Variants in DAB1 observed in about 807,000 individuals in gnomAD.
DAB1 encodes disabled homolog 1.
A neutral mutation model predicts 64.6 loss-of-function variants in DAB1; 15 were observed. The ratio of observed to expected loss-of-function variants is 0.23; its 90% CI spans 0.16 to 0.36. The LOEUF is 0.36. DAB1 is among the 10% of genes least tolerant of loss of function. DAB1 has a pLI of 1.00. For synonymous variants in DAB1, 235 were observed against 251.9 expected, an observed-to-expected ratio of 0.93 and a Z score of 0.64; for missense variants, 596 against 706.7, an observed-to-expected ratio of 0.84 and a Z score of 1.78.
chr1:57,591,009 C>G (rs1645439970), intron 7 of DAB1, among the ~76,000 whole-genome samples: 2 of 152,098 alleles, frequency 1.3e-5, no homozygotes, highest in Non-Finnish European at 2.9e-5. Flanking sequence ...TTAAATTTAA[C>G]TTCTGATACA....
At chr1:58,218,359 C>T (rs1250722367) in intron 4 of DAB1, among the ~76,000 whole-genome samples, 2 of 152,132 alleles carry the variant, frequency 1.3e-5, no homozygotes, top group East Asian at 3.9e-4. Context: ...TCTAGAACCC[C>T]TAGGGTCAGG....
intron 2 of DAB1, among the ~76,000 whole-genome samples, chr1:57,282,939 T>C (rs375099285): frequency 6.6e-6 from 1 of 152,142 alleles, no homozygotes; most frequent in South Asian, 2.1e-4. Context: ...CAGAAGAGTA[T>C]AGCCCCTATA....
intron 2 of DAB1, among the ~76,000 whole-genome samples, chr1:58,518,657 T>G (rs1008704613): frequency 4.6e-5 from 7 of 150,858 alleles, no homozygotes; most frequent in African/African-American, 7.3e-5. Flanking sequence ...GACTCCAGGG[T>G]TTTTTTTCCA....
intron 5 of DAB1, among the ~76,000 whole-genome samples, chr1:58,140,016 C>A (rs1654185412): frequency 6.6e-6 from 1 of 152,138 alleles, no homozygotes; most frequent in South Asian, 2.1e-4. Flanking sequence ...AACAGAGACT[C>A]CTGCAATGGC....
chr1:57,328,084 C>T (rs1460118621), intron 1 of DAB1, among the ~76,000 whole-genome samples: 1 of 152,100 alleles, frequency 6.6e-6, no homozygotes, highest in African/African-American at 2.4e-5. Context: ...TGTTTGCTAC[C>T]CATGATGGCT....
chr1:58,065,547 G>C (rs1648804022), intron 5 of DAB1, among the ~76,000 whole-genome samples: 1 of 152,176 alleles, frequency 6.6e-6, no homozygotes, highest in Non-Finnish European at 1.5e-5. Flanking sequence ...ACTCTGATTT[G>C]TACTGAAAAG....
chr1:57,506,236 C>T lies in DAB1; in HGVS notation n.625+143356G>A, dbSNP rs796909461. On this transcript the variant is annotated intron_variant and non_coding_transcript_variant, in intron 7 of 20. Transcript: ENST00000485760. Reference sequence around the variant, plus strand: ...AAAGGGGAACTTTTTTTTTAAACATCAATATGGAGCTTTATTTATAGTCTC... The same window carrying T: ...AAAGGGGAACTTTTTTTTTAAACATTAATATGGAGCTTTATTTATAGTCTC... 3.0e-4 allele frequency among the ~76,000 whole-genome samples: 46 copies of T among 152,136 alleles called. 1 individual carries two copies. The highest frequency in any genetic ancestry group is 1.1e-3 in the African/African-American group (44 of 41,540).
chr1:57,828,431 CAGT>C (rs1326135404), intron 1 of DAB1, among the ~76,000 whole-genome samples: 5 of 152,282 alleles, frequency 3.3e-5, no homozygotes, highest in Admixed American at 2.6e-4. Flanking sequence ...CCTCCTGCTG[CAGT>C]AATCTTGGGG....
chr1:57,541,929 C>T (rs2101451814), intron 7 of DAB1, among the ~76,000 whole-genome samples: 1 of 151,172 alleles, frequency 6.6e-6, no homozygotes, highest in South Asian at 2.1e-4. Context: ...TTTTAAACCG[C>T]AGGGGGCTGT....
rs140417446 is a variant in DAB1 at position 58,332,375 on chromosome 1, C to T, written n.309+10977G>A. On this transcript the variant is annotated intron_variant and non_coding_transcript_variant, in intron 4 of 20. Transcript: ENST00000485760. ...AGGTTTCCTTCTTCAGGCAGCGTTT[C>T]GCCAAAGCTTTTCTCCATACAGGAA... Among the ~76,000 whole-genome samples the T allele has an allele frequency of 2.5e-3, 387 of 152,150 alleles. 1 individual carries two copies. Among genetic ancestry groups the T allele is most frequent in the Non-Finnish European group, 4.3e-3 (290 of 68,004 alleles).
At chr1:57,645,733 C>T (rs564514744) in intron 7 of DAB1, among the ~76,000 whole-genome samples, 2 of 152,258 alleles carry the variant, frequency 1.3e-5, no homozygotes, top group South Asian at 2.1e-4. Context: ...GATTGATTTG[C>T]TCAATGTCAG....
In DAB1 at chr1:56,996,856, C is replaced by A. The variant is rs1645642052; in HGVS notation, c.*1288G>T. The A allele has an allele frequency of 6.6e-6, 1 of 152,092 alleles. No individual in the cohort carries two copies. The highest frequency in any genetic ancestry group is 2.4e-5 in the African/African-American group (1 of 41,422). 9.4% of individuals were successfully genotyped at this position (152,092 alleles called of 1,614,324 possible). A position where few individuals can be genotyped will look rare whatever the true frequency, so the allele number is the denominator to read the frequency against. On this transcript the variant is annotated 3_prime_UTR_variant, in exon 15 of 15. Coordinates refer to ENST00000371236, the MANE Select transcript of DAB1 (RefSeq NM_001365792.1). ...ACAGTGTAATGGCATTATTAAAAAT[C>A]ATTTTCATTAACATTTATATTTACA...
At chr1:58,414,570 A>G (rs1644699860) in intron 3 of DAB1, among the ~76,000 whole-genome samples, 1 of 152,232 alleles carries the variant, frequency 6.6e-6, no homozygotes, top group Non-Finnish European at 1.5e-5. Flanking sequence ...GAATGAATCA[A>G]TGGGAAACAT....
In DAB1 at chr1:57,781,148, A is replaced by G. The variant is rs867657849; in HGVS notation, n.551+102851T>C. Among the ~76,000 whole-genome samples, 100 of 98,850 alleles carry G rather than the reference A, an allele frequency of 1.0e-3. 4 individuals are homozygous for G. The South Asian group carries it at 0.031, about 31-fold the overall frequency. 64.8% of individuals were successfully genotyped at this position (98,850 alleles called of 152,430 possible). A position where few individuals can be genotyped will look rare whatever the true frequency, so the allele number is the denominator to read the frequency against. On this transcript the variant is annotated intron_variant and non_coding_transcript_variant, in intron 6 of 20. Transcript: ENST00000485760. Reference sequence around the variant, plus strand: ...TCTCTATATATATATATATATATATATATATATATATATATATATATATAG... The same window carrying G: ...TCTCTATATATATATATATATATATGTATATATATATATATATATATATAG...
intron 6 of DAB1, among the ~76,000 whole-genome samples, chr1:57,725,164 C>T (rs1438331503): frequency 1.3e-5 from 2 of 152,126 alleles, no homozygotes; most frequent in Non-Finnish European, 2.9e-5. Context: ...CTTGGGAAAG[C>T]GATAACAATA....
At chr1:58,380,151 G>A (rs1177196690) in intron 3 of DAB1, among the ~76,000 whole-genome samples, 1 of 152,194 alleles carries the variant, frequency 6.6e-6, no homozygotes, top group South Asian at 2.1e-4. Context: ...TTGGCTCTGT[G>A]TCCTCACCCA....
At chr1:57,092,315 T>A (rs1653759898) in intron 4 of DAB1, among the ~76,000 whole-genome samples, 1 of 152,100 alleles carries the variant, frequency 6.6e-6, no homozygotes, top group African/African-American at 2.4e-5. Flanking sequence ...TTTGGCTGTG[T>A]CCCCATCCAA....
At position 57,218,333 on chromosome 1, in the gene DAB1, A is replaced by C. The variant is rs1666579870; in HGVS notation, c.67+72631T>G. On this transcript the variant is annotated intron_variant, in intron 2 of 14. Coordinates refer to ENST00000371236, the MANE Select transcript of DAB1 (RefSeq NM_001365792.1). ...AGGCCCAGTTCAAACAACATCTCTT[A>C]TAAATAATCTTTGTTTAACATCCTG... Among the ~76,000 whole-genome samples, 5 of 152,166 alleles carry C rather than the reference A, an allele frequency of 3.3e-5. No homozygotes were observed. In the South Asian group the frequency reaches 1.0e-3, roughly 32 times the overall value.
chr1:57,802,543 G>T (rs1294573510), intron 6 of DAB1, among the ~76,000 whole-genome samples: 3 of 152,182 alleles, frequency 2.0e-5, no homozygotes, highest in Non-Finnish European at 4.4e-5. Context: ...TTGTGTCCCT[G>T]CCCAAATCCA....
Sources: gnomAD v4.1 joint callset for allele counts (sites outside exome capture counted in the v4.1 genomes callset) on GRCh38, gnomAD v4.1.1 for gene constraint, MANE v1.5 for transcripts, NCBI Gene and HGNC (gene_info 2026-07-23, HGNC 2026-07-21) for gene names.